Variants in ITPR2 observed in about 807,000 individuals in gnomAD.
The protein encoded by ITPR2 is inositol 1,4,5-trisphosphate-gated calcium channel ITPR2.
Under a neutral mutation model 317.1 loss-of-function variants are expected in ITPR2, and 207 were observed. The observed-to-expected ratio is 0.65, with a 90% CI of 0.58 to 0.73. The LOEUF (loss-of-function observed/expected upper bound fraction) is 0.73. Among genes scored for constraint, ITPR2 ranks in the 30% least tolerant of loss-of-function variants. The pLI is 0.00. For missense variants in ITPR2, 2,613 were observed against 3,284.0 expected (o/e 0.80, Z 4.99); for synonymous variants, 1,156 against 1,149.1 (o/e 1.01, Z -0.12).
chr12:26,750,475 G>A (rs1034181420), intron 2 of ITPR2, among the ~76,000 whole-genome samples: 2 of 152,140 alleles, frequency 1.3e-5, no homozygotes, highest in African/African-American at 4.8e-5. Context: ...ATCCTTCATA[G>A]AAGACATCTG....
chr12:26,769,318 G>A (rs1468053734), intron 2 of ITPR2, among the ~76,000 whole-genome samples: 3 of 152,138 alleles, frequency 2.0e-5, no homozygotes, highest in Admixed American at 2.0e-4. Context: ...CACCAGCAAT[G>A]TTTGCTTTAT....
chr12:26,721,697 T>C (rs574441752), intron 5 of ITPR2, among the ~76,000 whole-genome samples: 1 of 152,284 alleles, frequency 6.6e-6, no homozygotes, highest in Non-Finnish European at 1.5e-5. Flanking sequence ...TTTCTCATAA[T>C]TTATTCTCTA....
chr12:26,745,774 C>G (rs557128422), intron 2 of ITPR2, among the ~76,000 whole-genome samples: 1 of 152,172 alleles, frequency 6.6e-6, no homozygotes, highest in African/African-American at 2.4e-5. Flanking sequence ...AAGAGGATTA[C>G]ACCAGAATGG....
At chr12:26,499,342 T>G (rs1435615049) in intron 37 of ITPR2, among the ~76,000 whole-genome samples, 1 of 152,208 alleles carries the variant, frequency 6.6e-6, no homozygotes, top group East Asian at 1.9e-4. Context: ...CATGTAATAT[T>G]CAGACTGCCA....
At chr12:26,411,606 G>A (rs1940553393) in intron 51 of ITPR2, among the ~76,000 whole-genome samples, 194 bp from the exon 52 acceptor site, 1 of 152,192 alleles carries the variant, frequency 6.6e-6, no homozygotes, top group Non-Finnish European at 1.5e-5. Flanking sequence ...ATGGAGAATA[G>A]CTTCATAGGC....
intron 55 of ITPR2, among the ~76,000 whole-genome samples, chr12:26,344,989 C>A (rs1036478724): frequency 6.6e-6 from 1 of 152,112 alleles, no homozygotes; most frequent in Non-Finnish European, 1.5e-5. Flanking sequence ...TGTTTCTCAG[C>A]CTTTTCTCTC....
At chr12:26,826,523 T>C (rs547135938) in intron 1 of ITPR2, among the ~76,000 whole-genome samples, 6 of 152,238 alleles carry the variant, frequency 3.9e-5, no homozygotes, top group African/African-American at 1.2e-4. Flanking sequence ...GAAAAGTTAA[T>C]TGCATTGGCC....
chr12:26,777,586 G>C (rs1362250527), intron 2 of ITPR2, among the ~76,000 whole-genome samples: 1 of 149,594 alleles, frequency 6.7e-6, no homozygotes, highest in Non-Finnish European at 1.5e-5. Flanking sequence ...TCTGACATTG[G>C]CTAATTAATC....
In ITPR2 at chr12:26,372,043, G is replaced by A. The variant is rs1024644994; in HGVS notation, c.7857+15391C>T. ...TCCCTTTAGCTCCAACCTAATCCAG[G>A]TGGGTTCACCTACTCTCTGAGCTTC... On this transcript the variant is annotated intron_variant, in intron 55 of 56. Transcript: ENST00000381340. Among the ~76,000 whole-genome samples, 4 of 152,218 alleles carry A rather than the reference G, an allele frequency of 2.6e-5. No individual in the cohort carries two copies. In the East Asian group the frequency reaches 7.7e-4, roughly 29 times the overall value.
chr12:26,776,749 C>T (rs1239353510), intron 2 of ITPR2, among the ~76,000 whole-genome samples: 1 of 152,140 alleles, frequency 6.6e-6, no homozygotes. Flanking sequence ...GTAGATAAAC[C>T]CTGCACTGCC....
At chr12:26,642,371 C>A (rs1478567384) in intron 21 of ITPR2, among the ~76,000 whole-genome samples, 2 of 152,218 alleles carry the variant, frequency 1.3e-5, no homozygotes, top group East Asian at 3.9e-4. Context: ...ATGAGAGCAC[C>A]ACCCTTATGA....
chr12:26,439,687 G>A (rs539426101), intron 46 of ITPR2, among the ~76,000 whole-genome samples: 5 of 152,196 alleles, frequency 3.3e-5, no homozygotes, highest in African/African-American at 1.2e-4. Flanking sequence ...TAAACATAGC[G>A]CTTATGTTAT....
intron 1 of ITPR2, among the ~76,000 whole-genome samples, chr12:26,830,340 A>G (rs1951080681): frequency 1.3e-5 from 2 of 152,270 alleles, no homozygotes; most frequent in Admixed American, 1.3e-4. Flanking sequence ...AGGAAGCTCA[A>G]CCTTCAAAAC....
At chr12:26,702,705 G>A (rs1050698899) in intron 9 of ITPR2, among the ~76,000 whole-genome samples, 2 of 152,144 alleles carry the variant, frequency 1.3e-5, no homozygotes, top group African/African-American at 2.4e-5. Context: ...CTCCCAAAGT[G>A]CTGGGATTAC....
At chr12:26,659,024 G>T in intron 16 of ITPR2, 89 bp downstream of exon 16, 1 of 1,031,428 alleles carries the variant, frequency 9.7e-7, no homozygotes, top group Non-Finnish European at 1.4e-6. Flanking sequence ...TTAGTGATGT[G>T]AAAGAACTCT....
intron 49 of ITPR2, among the ~76,000 whole-genome samples, chr12:26,423,575 C>T (rs1240418079): frequency 6.6e-6 from 1 of 151,962 alleles, no homozygotes; most frequent in Non-Finnish European, 1.5e-5. Flanking sequence ...ATCTGAACAA[C>T]AAAAGTTAAT....
intron 1 of ITPR2, among the ~76,000 whole-genome samples, chr12:26,806,779 A>G (rs1291570408): frequency 6.6e-6 from 1 of 152,106 alleles, no homozygotes; most frequent in East Asian, 1.9e-4. Flanking sequence ...TGCTCAAGCA[A>G]TCCTCTTGCC....
At chr12:26,454,133 T>C (rs1448605185) in intron 45 of ITPR2, among the ~76,000 whole-genome samples, 1 of 152,202 alleles carries the variant, frequency 6.6e-6, no homozygotes, top group African/African-American at 2.4e-5. Context: ...CTGAAATAAA[T>C]TGAGTTTTTA....
chr12:26,553,118 C>T lies in ITPR2; in HGVS notation c.4965-2763G>A, dbSNP rs570248017. The stretch of plus-strand genomic sequence containing the variant: ...GATGCACTCTGATAATTTGTATCTT[C>T]TCTAATTCATTTTTTAAATTAGCTG... On this transcript the variant is annotated intron_variant, in intron 36 of 56. Coordinates refer to ENST00000381340, the MANE Select transcript of ITPR2 (RefSeq NM_002223.4). Among the ~76,000 whole-genome samples, 15 of 152,326 alleles carry T rather than the reference C, an allele frequency of 9.8e-5. 1 individual carries two copies. In the South Asian group the frequency reaches 2.9e-3, roughly 29 times the overall value.
Sources: gnomAD v4.1 joint callset for allele counts (sites outside exome capture counted in the v4.1 genomes callset) on GRCh38, gnomAD v4.1.1 for gene constraint, MANE v1.5 for transcripts, NCBI Gene and HGNC (gene_info 2026-07-23, HGNC 2026-07-21) for gene names.